Variants in TUBA1C observed in about 807,000 individuals in gnomAD.
TUBA1C encodes the protein tubulin alpha 1c, also known as tubulin alpha-1C chain.
In TUBA1C, 16 loss-of-function variants were observed where a neutral mutation model predicts 34.9. The ratio of observed to expected loss-of-function variants is 0.46; its 90% CI spans 0.31 to 0.70. TUBA1C has a LOEUF of 0.70. TUBA1C is among the 30% of genes least tolerant of loss of function. The probability of loss-of-function intolerance (pLI) is 0.05; values close to 1 mark genes in which losing one functional copy is unlikely to be tolerated. For synonymous variants in TUBA1C, 177 were observed against 215.9 expected, an observed-to-expected ratio of 0.82 and a Z score of 1.58; for missense variants, 329 against 587.3, an observed-to-expected ratio of 0.56 and a Z score of 4.55.
intron 1 of TUBA1C, among the ~76,000 whole-genome samples, chr12:49,248,476 G>A (rs1248930186): frequency 2.0e-5 from 3 of 151,604 alleles, no homozygotes; most frequent in Non-Finnish European, 4.4e-5. Context: ...GCTGAGGCAG[G>A]AGAATCACTT....
intron 1 of TUBA1C, among the ~76,000 whole-genome samples, chr12:49,268,593 T>C (rs1942947414): frequency 6.6e-6 from 1 of 152,168 alleles, no homozygotes; most frequent in South Asian, 2.1e-4. Context: ...TTTATTATTA[T>C]GGTCTTCCCT....
chr12:49,228,136 A>T lies in TUBA1C; in HGVS notation c.183A>T (p.Lys61Asn). Residue 61 changes from lysine (K) to asparagine (N), a missense_variant, in exon 1 of 4, where the codon AAA (lysine) becomes AAT (asparagine). Transcript: ENST00000541364. ...CTTTTAACACATGCACATCCAGCAA[A>T]AGCAGAGGAGAACCTGGCTGTGATT... The T allele has an allele frequency of 3.3e-6, 5 of 1,535,712 alleles. No homozygotes were observed. The South Asian group carries it at 4.8e-5, about 15-fold the overall frequency.
intron 1 of TUBA1C, among the ~76,000 whole-genome samples, chr12:49,255,274 T>TTTTTTTTTTTTTTTTTTGAG: frequency 6.6e-6 from 1 of 152,086 alleles, no homozygotes; most frequent in Middle Eastern, 3.2e-3. Context: ...TTCTAATCTT[T>TTTTTTTTTTTTTTTTTTGAG]ACTTTCCTTA....
At chr12:49,229,106 G>A (rs974504353) in intron 1 of TUBA1C, among the ~76,000 whole-genome samples, 8 of 152,154 alleles carry the variant, frequency 5.3e-5, no homozygotes, top group African/African-American at 1.9e-4. Context: ...TGGACATGAA[G>A]GAGGCGGTGG....
intron 1 of TUBA1C, among the ~76,000 whole-genome samples, chr12:49,248,154 A>T (rs1325793107): frequency 6.6e-6 from 1 of 151,808 alleles, no homozygotes; most frequent in East Asian, 1.9e-4. Flanking sequence ...ACACGCCTGT[A>T]GTCCCAGCTA....
chr12:49,252,131 G>A (rs1372405990), intron 1 of TUBA1C, among the ~76,000 whole-genome samples: 1 of 152,180 alleles, frequency 6.6e-6, no homozygotes, highest in Admixed American at 6.6e-5. Context: ...ATGAATGCAT[G>A]CTACCATATA....
intron 1 of TUBA1C, among the ~76,000 whole-genome samples, chr12:49,229,673 A>AGG (rs572270484): frequency 3.7e-5 from 5 of 133,806 alleles, no homozygotes; most frequent in African/African-American, 1.2e-4. Flanking sequence ...GTTTGCATAG[A>AGG]GGTGTGTGTG....
At chr12:49,259,580 C>T (rs370277334) in intron 1 of TUBA1C, among the ~76,000 whole-genome samples, 1 of 152,292 alleles carries the variant, frequency 6.6e-6, no homozygotes, top group East Asian at 1.9e-4. Context: ...TAACAGGCTG[C>T]ACAAGTTTCT....
chr12:49,273,350 A>G lies in TUBA1C; in HGVS notation c.*123A>G, dbSNP rs550853898. The G allele has an allele frequency of 1.9e-3, 2,997 of 1,566,916 alleles. 18 individuals carry two copies. Among genetic ancestry groups the G allele is most frequent in the South Asian group, 4.4e-3 (392 of 88,352 alleles). On this transcript the variant is annotated 3_prime_UTR_variant, in exon 4 of 4. Transcript: ENST00000301072. ...CCATTTTAAATGTCGAGCTGACTTA[A>G]ATACTTGATCCAGTTAAAGTTGGAT...
intron 1 of TUBA1C, among the ~76,000 whole-genome samples, chr12:49,250,419 G>A (rs1942721600): frequency 6.6e-6 from 1 of 151,016 alleles, no homozygotes; most frequent in African/African-American, 2.4e-5. Context: ...AGCTACTTGG[G>A]AGGCTGAGTC....
upstream of TUBA1C, among the ~76,000 whole-genome samples, chr12:49,260,896 AT>A (rs539420174): frequency 3.6e-4 from 54 of 150,276 alleles, no homozygotes; most frequent in African/African-American, 1.2e-3. Context: ...TGTCCAGCTA[AT>A]TTTTTTTTTA....
intron 1 of TUBA1C, among the ~76,000 whole-genome samples, chr12:49,230,042 TC>T (rs1275227703): frequency 4.6e-5 from 7 of 151,850 alleles, no homozygotes; most frequent in African/African-American, 1.7e-4. Context: ...TGCCTTGGCC[TC>T]CCAAAGTGCC....
At chr12:49,242,949 C>A (rs1592275352) in intron 1 of TUBA1C, among the ~76,000 whole-genome samples, 1 of 151,366 alleles carries the variant, frequency 6.6e-6, no homozygotes, top group Non-Finnish European at 1.5e-5. Context: ...GGACTACAGG[C>A]GCATGCACCA....
Position 49,249,897 on chromosome 12 carries a change from G to GA in TUBA1C, c.214-19561dup, listed in dbSNP as rs1942714943. Among the ~76,000 whole-genome samples, 8 of 151,442 alleles carry GA rather than the reference G, an allele frequency of 5.3e-5. No individual in the cohort carries two copies. In the South Asian group the frequency reaches 1.7e-3, roughly 32 times the overall value. On this transcript the variant is annotated intron_variant, in intron 1 of 3. Transcript: ENST00000541364. ...ATAATAATAATAAGATTAGCCAAGCGAAAAAAATTTTTAAAAAGGCCAGAC... is the reference window on the plus strand; with the variant it reads ...ATAATAATAATAAGATTAGCCAAGCGAAAAAAAATTTTTAAAAAGGCCAGAC...
At chr12:49,231,775 C>T (rs536324859) in intron 1 of TUBA1C, among the ~76,000 whole-genome samples, 1 of 152,152 alleles carries the variant, frequency 6.6e-6, no homozygotes, top group Non-Finnish European at 1.5e-5. Context: ...TCTCGAACTC[C>T]TGGCCTCAAT....
chr12:49,272,140 A>C, intron 3 of TUBA1C, 113 bp from the exon 4 acceptor site: 1 of 1,507,896 alleles, frequency 6.6e-7, no homozygotes, highest in South Asian at 1.4e-5. Flanking sequence ...GAAGAGTTTT[A>C]AAATTGCAAT....
At chr12:49,253,086 TAAA>T (rs896502071) in intron 1 of TUBA1C, among the ~76,000 whole-genome samples, 71 of 95,568 alleles carry the variant, frequency 7.4e-4, no homozygotes, top group African/African-American at 2.2e-3. Flanking sequence ...GACCCTATCT[TAAA>T]AAAAAAAAAA....
intron 1 of TUBA1C, among the ~76,000 whole-genome samples, chr12:49,239,176 CT>C (rs1285261260): frequency 6.6e-6 from 1 of 152,108 alleles, no homozygotes; most frequent in Non-Finnish European, 1.5e-5. Flanking sequence ...TGTCTTCCAC[CT>C]TTATTACTCA....
At position 49,269,849 on chromosome 12, in the gene TUBA1C, A is replaced by G; in HGVS notation, c.248A>G (p.Tyr83Cys). ...TVIDEVRTGT[Y>C]RQLFHPEQLI... The stretch of plus-strand genomic sequence containing the variant: ...CCAGATGAAGTTCGCACTGGCACTT[A>G]CCGCCAGCTCTTCCACCCTGAGCAA... Residue 83 changes from tyrosine (Y) to cysteine (C), a missense_variant, in exon 3 of 4, where the codon TAC (tyrosine) becomes TGC (cysteine). By Grantham distance (194) the Tyr-to-Cys change is radical. This residue lies in a region of TUBA1C where 152 missense variants were observed against 240.3 expected (regional missense o/e 0.63). Coordinates refer to ENST00000301072, the MANE Select transcript of TUBA1C (RefSeq NM_032704.5). 6.2e-7 allele frequency: 1 copy of G among 1,613,960 alleles called. No individual in the cohort carries two copies. Among genetic ancestry groups the G allele is most frequent in the Non-Finnish European group, 8.5e-7 (1 of 1,180,016 alleles).
Sources: allele counts gnomAD v4.1 joint callset (sites outside exome capture counted in the v4.1 genomes callset), GRCh38; gene constraint gnomAD v4.1.1; regional missense constraint gnomAD v4.1.1; transcripts MANE v1.5; gene names NCBI Gene and HGNC (gene_info 2026-07-23, HGNC 2026-07-21).